The following NPAS2 variants were observed in gnomAD, a reference collection of about 807,000 sequenced individuals.
NPAS2 encodes neuronal PAS domain protein 2, also known as neuronal PAS domain-containing protein 2.
NPAS2 carries 23 observed loss-of-function variants against 107.5 expected under a neutral mutation model. The ratio of observed to expected loss-of-function variants is 0.21; its 90% CI spans 0.15 to 0.30. The LOEUF (loss-of-function observed/expected upper bound fraction) is 0.30. Ranked by LOEUF, NPAS2 falls within the 10% of genes least tolerant of loss-of-function variation. The probability of loss-of-function intolerance (pLI) is 1.00; values close to 1 mark genes in which losing one functional copy is unlikely to be tolerated. For synonymous variants in NPAS2, 403 were observed against 417.5 expected (o/e 0.97, Z 0.42); for missense variants, 756 against 1,043.3 (o/e 0.72, Z 3.79).
At chr2:100,912,842 AAGG>A (rs1189386245) in intron 2 of NPAS2, among the ~76,000 whole-genome samples, 1 of 152,226 alleles carries the variant, frequency 6.6e-6, no homozygotes, top group Non-Finnish European at 1.5e-5. Flanking sequence ...TATTCAAGGG[AAGG>A]AGAATTAGAA....
chr2:100,882,728 A>G (rs549504174), intron 1 of NPAS2, among the ~76,000 whole-genome samples: 1 of 152,354 alleles, frequency 6.6e-6, no homozygotes, highest in South Asian at 2.1e-4. Context: ...GCGGCCCACT[A>G]GAGTGGTATG....
chr2:100,990,269 T>C lies in NPAS2; in HGVS notation c.1841T>C (p.Met614Thr). ...SVISTQGPKPMRSSQLMQSSG... is the reference protein window; with the variant it reads ...SVISTQGPKPTRSSQLMQSSG... ...ATGATGCTCCAGGGTCCAAAGCCAA[T>C]GAGAAGCTCACAGCTAATGCAGAGC... The change falls in exon 18 of 21, where the codon ATG (methionine) becomes ACG (threonine). Residue 614 changes from methionine to threonine, a missense_variant. Met to Thr is a moderately conservative substitution (Grantham distance 81, BLOSUM62 -1). Transcript: ENST00000335681. 1.2e-6 allele frequency: 2 copies of C among 1,613,952 alleles called. No individual in the cohort carries two copies. The highest frequency in any genetic ancestry group is 1.6e-4 in the Middle Eastern group (1 of 6,062).
chr2:100,967,028 C>T (rs533064468), intron 10 of NPAS2, among the ~76,000 whole-genome samples: 84 of 152,160 alleles, frequency 5.5e-4, no homozygotes, highest in South Asian at 1.0e-3. Flanking sequence ...GACCACACTG[C>T]ATAGGCATCA....
In NPAS2 at chr2:100,851,989, G is replaced by A. The variant is rs546317123; in HGVS notation, c.-23+31575G>A. Among the ~76,000 whole-genome samples the A allele has an allele frequency of 1.1e-4, 17 of 152,298 alleles. No homozygotes were observed. In the South Asian group the frequency reaches 1.9e-3, roughly 17 times the overall value. ...GAGGAGGCTGTTCAGGGAGTCTCAC[G>A]TTAGCTACATGGTTCTTGCAATAAC... On this transcript the variant is annotated intron_variant, in intron 1 of 20. Transcript: ENST00000335681.
At chr2:100,870,527 C>T (rs1227547179) in intron 1 of NPAS2, among the ~76,000 whole-genome samples, 4 of 152,168 alleles carry the variant, frequency 2.6e-5, no homozygotes, top group African/African-American at 9.7e-5. Context: ...TCCCGAGTAG[C>T]TGGGACTATA....
chr2:100,845,377 G>A (rs1677711772), intron 1 of NPAS2, among the ~76,000 whole-genome samples: 1 of 152,176 alleles, frequency 6.6e-6, no homozygotes, highest in Non-Finnish European at 1.5e-5. Flanking sequence ...ACAGGTTGCT[G>A]CAGGCTGGGG....
intron 7 of NPAS2, among the ~76,000 whole-genome samples, chr2:100,954,695 G>GAA (rs1675459618): frequency 2.3e-5 from 3 of 132,660 alleles, no homozygotes; most frequent in African/African-American, 8.8e-5. Flanking sequence ...AAAAAGAAAA[G>GAA]AAAAAAGAAA....
intron 5 of NPAS2, among the ~76,000 whole-genome samples, chr2:100,945,900 C>T (rs1446239799): frequency 6.6e-6 from 1 of 152,144 alleles, no homozygotes; most frequent in Non-Finnish European, 1.5e-5. Context: ...GTTTTAATGC[C>T]TGTCATAGTG....
At chr2:100,844,719 T>A (rs1425453160) in intron 1 of NPAS2, among the ~76,000 whole-genome samples, 1 of 152,244 alleles carries the variant, frequency 6.6e-6, no homozygotes, top group African/African-American at 2.4e-5. Context: ...GAGTCATACT[T>A]ACTACTAGAA....
chr2:100,988,604 A>G (rs548953396), intron 17 of NPAS2: 1 of 359,164 alleles, frequency 2.8e-6, no homozygotes, highest in Admixed American at 4.4e-5. Flanking sequence ...CCAGAGACCC[A>G]CTGGCAGCTG....
At chr2:100,860,623 C>T (rs2082816) in intron 1 of NPAS2, among the ~76,000 whole-genome samples, 84,397 of 151,994 alleles carry the variant, frequency 0.56, 25,977 homozygotes, top group Non-Finnish European at 0.71. Flanking sequence ...GAAGGAGGAG[C>T]TTTCCTTCTC....
chr2:100,875,519 C>G (rs1679906828), intron 1 of NPAS2, among the ~76,000 whole-genome samples: 2 of 149,872 alleles, frequency 1.3e-5, no homozygotes, highest in South Asian at 4.2e-4. Context: ...ATGTAGGGAT[C>G]ACACAGATGT....
At chr2:100,853,178 G>A (rs949003995) in intron 1 of NPAS2, among the ~76,000 whole-genome samples, 13 of 152,138 alleles carry the variant, frequency 8.5e-5, no homozygotes, top group African/African-American at 2.9e-4. Context: ...GGAGTGTATC[G>A]ATCAAACACC....
intron 14 of NPAS2, 127 bp downstream of exon 14, chr2:100,975,694 C>T (rs1558930802): frequency 1.6e-6 from 1 of 611,944 alleles, no homozygotes; most frequent in Non-Finnish European, 2.7e-6. Context: ...TGTAGGGTGG[C>T]AGATGGGGGT....
chr2:100,992,011 C>T (rs569358896), intron 19 of NPAS2, among the ~76,000 whole-genome samples: 1 of 152,292 alleles, frequency 6.6e-6, no homozygotes, highest in East Asian at 1.9e-4. Flanking sequence ...GAGGGACCTG[C>T]AGGTTGTGGG....
intron 1 of NPAS2, among the ~76,000 whole-genome samples, chr2:100,883,557 T>C (rs1296416053): frequency 6.6e-6 from 1 of 152,056 alleles, no homozygotes; most frequent in African/African-American, 2.4e-5. Flanking sequence ...CATGAATGGC[T>C]CTAATTTGTC....
At chr2:100,904,079 G>A (rs577959716) in intron 1 of NPAS2, among the ~76,000 whole-genome samples, 1 of 152,294 alleles carries the variant, frequency 6.6e-6, no homozygotes, top group Admixed American at 6.5e-5. Flanking sequence ...GGGAGGAACT[G>A]CGGATTACAC....
chr2:100,873,860 T>C (rs1679782366), intron 1 of NPAS2, among the ~76,000 whole-genome samples: 1 of 152,220 alleles, frequency 6.6e-6, no homozygotes, highest in Non-Finnish European at 1.5e-5. Flanking sequence ...CATAACTGTC[T>C]GTAGCTTTAA....
chr2:100,874,073 T>C (rs1349088174), intron 1 of NPAS2, among the ~76,000 whole-genome samples: 1 of 151,856 alleles, frequency 6.6e-6, no homozygotes, highest in African/African-American at 2.4e-5. Flanking sequence ...CTTCACCACC[T>C]GGGTTCGAGC....
Sources: allele counts gnomAD v4.1 joint callset (sites outside exome capture counted in the v4.1 genomes callset), GRCh38; gene constraint gnomAD v4.1.1; transcripts MANE v1.5; gene names NCBI Gene and HGNC (gene_info 2026-07-23, HGNC 2026-07-21).